Variants in TBCEL observed in about 807,000 individuals in gnomAD.
The protein encoded by TBCEL is tubulin-specific chaperone cofactor E-like protein.
TBCEL carries 15 observed loss-of-function variants against 44.2 expected under a neutral mutation model. The ratio of observed to expected loss-of-function variants is 0.34; its 90% CI spans 0.23 to 0.52. The LOEUF (loss-of-function observed/expected upper bound fraction) is 0.52. Among genes scored for constraint, TBCEL ranks in the 20% least tolerant of loss-of-function variants. The pLI is 0.95. For missense variants in TBCEL, 319 were observed against 506.3 expected (o/e 0.63, Z 3.55); for synonymous variants, 171 against 185.4 (o/e 0.92, Z 0.63).
chr11:121,050,876 A>C (rs778081366), intron 4 of TBCEL, among the ~76,000 whole-genome samples: 2 of 151,730 alleles, frequency 1.3e-5, no homozygotes, highest in Non-Finnish European at 3.0e-5. Flanking sequence ...GAGCATACTC[A>C]TTCCAGTTAG....
At chr11:121,042,016 A>G (rs567804379) in intron 2 of TBCEL, among the ~76,000 whole-genome samples, 2 of 151,936 alleles carry the variant, frequency 1.3e-5, no homozygotes, top group African/African-American at 4.8e-5. Context: ...TTGCTTCCTT[A>G]CTAGCATTTT....
At chr11:121,065,824 A>G (rs2134977474) in intron 8 of TBCEL, among the ~76,000 whole-genome samples, 1 of 152,350 alleles carries the variant, frequency 6.6e-6, no homozygotes, top group East Asian at 1.9e-4. Context: ...CCATGTGACC[A>G]CAGGTGATAA....
At chr11:121,074,098 T>G (rs1945988797) in intron 8 of TBCEL, among the ~76,000 whole-genome samples, 1 of 152,124 alleles carries the variant, frequency 6.6e-6, no homozygotes, top group African/African-American at 2.4e-5. Context: ...ACTAAGTAAC[T>G]GTTTCATTCA....
chr11:121,038,630 G>A (rs17124730), intron 2 of TBCEL, among the ~76,000 whole-genome samples: 4,932 of 152,180 alleles, frequency 0.032, 263 homozygotes, highest in African/African-American at 0.11. Flanking sequence ...AAAGGTAGCA[G>A]TCCTGAGAGG....
In TBCEL at chr11:121,039,623, A is replaced by G. The variant is rs889146116; in HGVS notation, c.-18+3011A>G. Reference sequence around the variant, plus strand: ...ATTGGGAGAATTTGTTAAGGTATGAAAATGAAACGAGATGGCAGAGAAAAC... The same window carrying G: ...ATTGGGAGAATTTGTTAAGGTATGAGAATGAAACGAGATGGCAGAGAAAAC... On this transcript the variant is annotated intron_variant, in intron 2 of 8. Transcript: ENST00000683345. Among the ~76,000 whole-genome samples, 6 of 152,352 alleles carry G rather than the reference A, an allele frequency of 3.9e-5. No homozygotes were observed. In the South Asian group the frequency reaches 6.2e-4, roughly 16 times the overall value.
intron 8 of TBCEL, among the ~76,000 whole-genome samples, chr11:121,075,200 A>G (rs1451022256): frequency 6.6e-6 from 1 of 152,046 alleles, no homozygotes; most frequent in Non-Finnish European, 1.5e-5. Flanking sequence ...TCACAAACAT[A>G]CAGATCAATG....
intron 1 of TBCEL, among the ~76,000 whole-genome samples, chr11:121,029,558 CAGAACT>C (rs1331188008): frequency 1.3e-5 from 2 of 152,194 alleles, no homozygotes; most frequent in Non-Finnish European, 2.9e-5. Context: ...TAAGTGAACT[CAGAACT>C]AACTGAAGAC....
At chr11:121,066,850 C>T (rs1945830505) in intron 8 of TBCEL, among the ~76,000 whole-genome samples, 1 of 152,154 alleles carries the variant, frequency 6.6e-6, no homozygotes, top group African/African-American at 2.4e-5. Context: ...CCCTCTACAT[C>T]ATTCAGTGTC....
chr11:121,057,856 C>T (rs1384105932), intron 6 of TBCEL, among the ~76,000 whole-genome samples: 2 of 151,746 alleles, frequency 1.3e-5, no homozygotes, highest in Non-Finnish European at 2.9e-5. Context: ...ATACGAGGGA[C>T]AGCTGTATTT....
Position 121,047,578 on chromosome 11 carries a change from T to G in TBCEL, c.184T>G (p.Cys62Gly). The G allele has an allele frequency of 6.2e-7, 1 of 1,612,830 alleles. No individual in the cohort carries two copies. ...AGTGTTGAACAGCTGTGGAATAACC[T>G]GTGCAGGAGATGAAAAAGAAATTGC... is the stretch of plus-strand genomic sequence containing the variant. ...VLVLNSCGIT[C>G]AGDEKEIAAF... Residue 62 changes from cysteine (C) to glycine (G), a missense_variant, in exon 4 of 9, where the codon TGT (cysteine) becomes GGT (glycine). Transcript: ENST00000683345.
intron 2 of TBCEL, among the ~76,000 whole-genome samples, chr11:121,044,532 C>G (rs538854165): frequency 6.6e-6 from 1 of 152,160 alleles, no homozygotes; most frequent in African/African-American, 2.4e-5. Flanking sequence ...TCTGAGTACT[C>G]CAGAGCCTGT....
intron 4 of TBCEL, among the ~76,000 whole-genome samples, chr11:121,049,361 ACCTAGTTTTG>A (rs1945488950): frequency 6.6e-6 from 1 of 151,728 alleles, no homozygotes; most frequent in African/African-American, 2.4e-5. Flanking sequence ...CCTATCCATA[ACCTAGTTTTG>A]GTAAGCTTTT....
intron 4 of TBCEL, among the ~76,000 whole-genome samples, chr11:121,052,681 A>G (rs896329855): frequency 2.0e-5 from 3 of 151,836 alleles, no homozygotes; most frequent in African/African-American, 7.2e-5. Context: ...TTCTGCTTAT[A>G]TTTATGATGT....
chr11:121,061,970 G>T (rs922660703), intron 8 of TBCEL, among the ~76,000 whole-genome samples: 1 of 151,834 alleles, frequency 6.6e-6, no homozygotes, highest in South Asian at 2.1e-4. Context: ...TGACTCTTTT[G>T]TAATAACATT....
chr11:121,042,333 C>A (rs895343810), intron 2 of TBCEL, among the ~76,000 whole-genome samples: 2 of 152,052 alleles, frequency 1.3e-5, no homozygotes, highest in South Asian at 4.2e-4. Flanking sequence ...AGCTATAGTG[C>A]CTGTTGCTAG....
chr11:121,060,398 T>A (rs757051349), intron 8 of TBCEL, among the ~76,000 whole-genome samples: 3 of 151,922 alleles, frequency 2.0e-5, no homozygotes, highest in Admixed American at 2.0e-4. Flanking sequence ...GGGTACATTT[T>A]TACCTACCCC....
intron 7 of TBCEL, among the ~76,000 whole-genome samples, chr11:121,059,468 G>C (rs1565499904): frequency 6.6e-6 from 1 of 151,778 alleles, no homozygotes; most frequent in Non-Finnish European, 1.5e-5. Flanking sequence ...TGTCTGAATT[G>C]AAATGTGCTA....
At chr11:121,058,264 T>C in intron 6 of TBCEL, 81 bp from the exon 7 acceptor site, 2 of 1,468,110 alleles carry the variant, frequency 1.4e-6, no homozygotes, top group Non-Finnish European at 1.9e-6. Context: ...AAGTTACTAA[T>C]TGAGCTAATA....
At chr11:121,046,860 A>G (rs1206261553) in intron 3 of TBCEL, among the ~76,000 whole-genome samples, 1 of 152,094 alleles carries the variant, frequency 6.6e-6, no homozygotes, top group Non-Finnish European at 1.5e-5. Context: ...ATAGTTTAAG[A>G]CTGAAACACT....
Sources: allele counts gnomAD v4.1 joint callset (sites outside exome capture counted in the v4.1 genomes callset), GRCh38; gene constraint gnomAD v4.1.1; transcripts MANE v1.5; gene names NCBI Gene and HGNC (gene_info 2026-07-23, HGNC 2026-07-21).